Variants in PLXNA2 observed in about 807,000 individuals in gnomAD.
PLXNA2 encodes plexin-A2.
PLXNA2 carries 91 observed loss-of-function variants against 193.5 expected under a neutral mutation model. That is an observed-to-expected ratio of 0.47 (90% confidence interval 0.40 to 0.56). The LOEUF is 0.56. Among genes scored for constraint, PLXNA2 ranks in the 20% least tolerant of loss-of-function variants. The pLI, the probability that PLXNA2 is intolerant of heterozygous loss-of-function variation, is 0.00. For synonymous variants in PLXNA2, 997 were observed against 1,027.3 expected (o/e 0.97, Z 0.56); for missense variants, 1,995 against 2,503.2 (o/e 0.80, Z 4.33).
chr1:208,196,787 T>C (rs1670375857), intron 3 of PLXNA2, among the ~76,000 whole-genome samples: 1 of 152,210 alleles, frequency 6.6e-6, no homozygotes. Context: ...ATTAATTTTA[T>C]GTGTGTTGTC....
chr1:208,083,201 C>T (rs1330130329), intron 10 of PLXNA2, among the ~76,000 whole-genome samples: 1 of 152,186 alleles, frequency 6.6e-6, no homozygotes, highest in African/African-American at 2.4e-5. Flanking sequence ...ACCTCATCAG[C>T]CCACAGCTTT....
intron 1 of PLXNA2, among the ~76,000 whole-genome samples, chr1:208,223,338 C>A (rs770724373): frequency 1.3e-5 from 2 of 151,986 alleles, no homozygotes; most frequent in Admixed American, 6.6e-5. Flanking sequence ...AGAACCCAGA[C>A]CTCATGACAA....
intron 2 of PLXNA2, among the ~76,000 whole-genome samples, chr1:208,214,478 A>G (rs929312269): frequency 7.9e-5 from 12 of 152,192 alleles, no homozygotes; most frequent in African/African-American, 2.7e-4. Flanking sequence ...CGACTCTTCT[A>G]CCACACCAAG....
chr1:208,163,153 G>A (rs1180029197), intron 3 of PLXNA2, among the ~76,000 whole-genome samples: 1 of 152,196 alleles, frequency 6.6e-6, no homozygotes, highest in Non-Finnish European at 1.5e-5. Context: ...AAAGCTGGAA[G>A]AACAGGGTGT....
intron 29 of PLXNA2, chr1:208,029,430 G>C (rs1007014003): frequency 9.7e-7 from 1 of 1,028,396 alleles, no homozygotes; most frequent in African/African-American, 1.7e-5. Context: ...CACAGTGCCC[G>C]TGGCCATTGT....
chr1:208,123,125 G>A (rs1325043982), intron 4 of PLXNA2, among the ~76,000 whole-genome samples: 4 of 152,134 alleles, frequency 2.6e-5, no homozygotes, highest in African/African-American at 9.7e-5. Context: ...CTTTCTGTCT[G>A]TAGGGATTCA....
intron 9 of PLXNA2, among the ~76,000 whole-genome samples, chr1:208,091,524 T>C (rs1335829524): frequency 6.6e-6 from 1 of 152,198 alleles, no homozygotes; most frequent in African/African-American, 2.4e-5. Context: ...AGATAAGATG[T>C]AGTCCTTGCC....
chr1:208,095,898 G>A, intron 8 of PLXNA2, 131 bp downstream of exon 8: 2 of 722,884 alleles, frequency 2.8e-6, no homozygotes, highest in South Asian at 3.3e-5. Context: ...CAAACAAAGT[G>A]TCAGGCCCCA....
chr1:208,078,107 T>G (rs1350195834), intron 12 of PLXNA2, among the ~76,000 whole-genome samples: 2 of 152,200 alleles, frequency 1.3e-5, no homozygotes, highest in Admixed American at 1.3e-4. Context: ...TTATCAGCGG[T>G]ATAAACTTGG....
chr1:208,217,569 G>T lies in PLXNA2; in HGVS notation c.354C>A (p.Ile118=). ...GCAGGCGGTTCTCAGAGTAGTCAAT[G>T]ATGAGCAGCTTGTTGACATTGTTGG... is the stretch of plus-strand genomic sequence containing the variant. The part of the protein sequence containing the change: ...TLTNNVNKLL[I]IDYSENRLLA... The change falls in exon 2 of 32, where the codon ATC becomes ATA. Residue 118 remains isoleucine, a synonymous_variant. Transcript: ENST00000367033. This position sits in a 1 kb window ranked among gnomAD's most constrained non-coding sequence, Gnocchi z 4.7. The T allele has an allele frequency of 6.2e-7, 1 of 1,614,214 alleles. No individual in the cohort carries two copies. The highest frequency in any genetic ancestry group is 8.5e-7 in the Non-Finnish European group (1 of 1,180,050).
Position 208,025,890 on chromosome 1 carries a change from T to A in PLXNA2, c.*1353A>T, listed in dbSNP as rs1413654522. On this transcript the variant is annotated 3_prime_UTR_variant, in exon 32 of 32. Coordinates refer to ENST00000367033, the MANE Select transcript of PLXNA2 (RefSeq NM_025179.4). ...GAGAGGCAGAAAGAGAGGCAGAAGG[T>A]AGTAACGTGGGCATGCCACAGTCAT... 2 of 152,550 alleles carry A rather than the reference T, an allele frequency of 1.3e-5. No individual in the cohort carries two copies. Among genetic ancestry groups the A allele is most frequent in the African/African-American group, 4.8e-5 (2 of 41,438 alleles). 9.4% of individuals were successfully genotyped at this position (152,550 alleles called of 1,614,324 possible).
chr1:208,074,408 C>T (rs574313573), intron 12 of PLXNA2, among the ~76,000 whole-genome samples: 3 of 152,172 alleles, frequency 2.0e-5, no homozygotes, highest in African/African-American at 7.2e-5. Flanking sequence ...GCTCAGGAGG[C>T]CTCCCATGGG....
rs563413611 is a variant in PLXNA2, at chr1:208,071,941, T to C, written c.2586+7319A>G. 3.5e-4 allele frequency among the ~76,000 whole-genome samples: 54 copies of C among 152,170 alleles called. 1 individual carries two copies. The highest frequency in any genetic ancestry group is 3.2e-4 in the Non-Finnish European group (22 of 68,024). On this transcript the variant is annotated intron_variant, in intron 12 of 31. Coordinates refer to ENST00000367033, the MANE Select transcript of PLXNA2 (RefSeq NM_025179.4). ...CCTTGCAGATAAATACTTTTAAATG[T>C]CCCACAGTTTCCCAAACAGTTTCAC...
intron 1 of PLXNA2, among the ~76,000 whole-genome samples, chr1:208,226,655 G>A (rs1051746659): frequency 6.6e-6 from 1 of 152,190 alleles, no homozygotes; most frequent in Admixed American, 6.5e-5. Flanking sequence ...CATATGTCAT[G>A]GGCCTGTCAG....
At chr1:208,123,934 A>C (rs893956864) in intron 4 of PLXNA2, among the ~76,000 whole-genome samples, 1 of 152,188 alleles carries the variant, frequency 6.6e-6, no homozygotes, top group African/African-American at 2.4e-5. Context: ...GGGAATGACC[A>C]GGTATCTATT....
chr1:208,101,808 T>A (rs908874043), intron 5 of PLXNA2, among the ~76,000 whole-genome samples: 3 of 151,344 alleles, frequency 2.0e-5, no homozygotes, highest in Non-Finnish European at 4.4e-5. Context: ...GCATGGGGAG[T>A]AGGAGGTACC....
In PLXNA2 at chr1:208,216,911, T is replaced by C. The variant is rs150144401; in HGVS notation, c.1012A>G (p.Ile338Val). The change falls in exon 2 of 32, where the codon ATC becomes GTC. Residue 338 changes from isoleucine (I) to valine (V), a missense_variant. Ile to Val is a conservative substitution (Grantham distance 29, BLOSUM62 3). Coordinates refer to ENST00000367033, the MANE Select transcript of PLXNA2 (RefSeq NM_025179.4). The part of the protein sequence containing the change: ...ITSQDDVLFA[I>V]FSKGQKQYHH... ...TACTGCTTCTGCCCTTTGGAGAAGA[T>C]GGCAAAGAGTACATCGTCCTGGCTG... 95 of 1,614,034 alleles carry C rather than the reference T, an allele frequency of 5.9e-5. No individual in the cohort carries two copies. Among genetic ancestry groups the C allele is most frequent in the Middle Eastern group, 3.3e-4 (2 of 6,084 alleles).
intron 1 of PLXNA2, 26 bp downstream of exon 1, chr1:208,243,617 G>A (rs1221894891): frequency 1.3e-5 from 2 of 152,080 alleles, no homozygotes; most frequent in Non-Finnish European, 2.9e-5. Context: ...TGCCGACTCC[G>A]AGCGCCCGGC....
chr1:208,081,071 C>A (rs1285334842), intron 11 of PLXNA2, among the ~76,000 whole-genome samples: 1 of 152,206 alleles, frequency 6.6e-6, no homozygotes, highest in Non-Finnish European at 1.5e-5. Flanking sequence ...GCAAGAGTCA[C>A]AAGTAGAGTT....
Sources: gnomAD v4.1 joint callset for allele counts (sites outside exome capture counted in the v4.1 genomes callset) on GRCh38, gnomAD v4.1.1 for gene constraint, Gnocchi (gnomAD v3.1) non-coding constraint, MANE v1.5 for transcripts, NCBI Gene and HGNC (gene_info 2026-07-23, HGNC 2026-07-21) for gene names.